The following CMSS1 variants were observed in gnomAD, a reference collection of about 807,000 sequenced individuals.
CMSS1 encodes cms1 ribosomal small subunit homolog, also known as protein CMSS1.
In CMSS1, 33 loss-of-function variants were observed where a neutral mutation model predicts 43.5. The ratio of observed to expected loss-of-function variants is 0.76; its 90% CI spans 0.57 to 1.01. The LOEUF (loss-of-function observed/expected upper bound fraction) is 1.01, where lower values mean the gene tolerates loss of function less well. Ranked by LOEUF, CMSS1 falls within the 50% of genes least tolerant of loss-of-function variation. CMSS1 has a pLI of 0.00. For synonymous variants in CMSS1, 115 were observed against 117.2 expected, an observed-to-expected ratio of 0.98 and a Z score of 0.12; for missense variants, 313 against 326.4, an observed-to-expected ratio of 0.96 and a Z score of 0.32.
intron 1 of CMSS1, among the ~76,000 whole-genome samples, chr3:100,097,582 A>T (rs1243737402): frequency 1.3e-5 from 2 of 152,168 alleles, no homozygotes; most frequent in Non-Finnish European, 1.5e-5. Context: ...GCCTATATAT[A>T]TACATGTTTT....
chr3:100,142,211 T>G (rs1489205890), intron 1 of CMSS1, among the ~76,000 whole-genome samples: 1 of 152,208 alleles, frequency 6.6e-6, no homozygotes, highest in African/African-American at 2.4e-5. Context: ...GTTGCATAAG[T>G]GCCACACATC....
intron 1 of CMSS1, among the ~76,000 whole-genome samples, chr3:99,933,093 T>C (rs1336820770): frequency 6.6e-6 from 1 of 152,192 alleles, no homozygotes; most frequent in African/African-American, 2.4e-5. Context: ...TATTGAAGGT[T>C]GCACAGCTAA....
chr3:100,132,842 A>T (rs1302139924), intron 1 of CMSS1, among the ~76,000 whole-genome samples: 2 of 150,124 alleles, frequency 1.3e-5, no homozygotes, highest in Non-Finnish European at 3.0e-5. Flanking sequence ...AAAAAAAAAG[A>T]AAAAGTAAAA....
At chr3:99,937,958 G>A (rs1473141843) in intron 1 of CMSS1, among the ~76,000 whole-genome samples, 1 of 152,200 alleles carries the variant, frequency 6.6e-6, no homozygotes, top group Non-Finnish European at 1.5e-5. Flanking sequence ...TGGTAAAGGT[G>A]AATTAAGGTG....
At chr3:100,139,338 T>C (rs2066783132) in intron 1 of CMSS1, among the ~76,000 whole-genome samples, 1 of 151,626 alleles carries the variant, frequency 6.6e-6, no homozygotes. Context: ...ATGAAAAGTT[T>C]AAACTCTTTA....
At chr3:99,986,998 G>A (rs1709360555) in intron 1 of CMSS1, among the ~76,000 whole-genome samples, 3 of 151,904 alleles carry the variant, frequency 2.0e-5, no homozygotes, top group African/African-American at 7.3e-5. Flanking sequence ...GGAGGCTGAG[G>A]TAGGAGGACT....
chr3:99,884,674 G>A (rs1188274166), intron 1 of CMSS1, among the ~76,000 whole-genome samples: 2 of 152,198 alleles, frequency 1.3e-5, no homozygotes, highest in Non-Finnish European at 2.9e-5. Context: ...GAAAGGAAGT[G>A]CTTTGAATTC....
chr3:99,984,532 C>G (rs1346009185), intron 1 of CMSS1, among the ~76,000 whole-genome samples: 1 of 152,136 alleles, frequency 6.6e-6, no homozygotes, highest in Non-Finnish European at 1.5e-5. Context: ...GGTCCTCTAG[C>G]CCCTGGTCAC....
intron 1 of CMSS1, among the ~76,000 whole-genome samples, chr3:100,061,225 CA>C (rs2107344759): frequency 6.6e-6 from 1 of 151,756 alleles, no homozygotes; most frequent in South Asian, 2.1e-4. Context: ...CCTAAAATAC[CA>C]AAAACAAGTG....
intron 1 of CMSS1, among the ~76,000 whole-genome samples, chr3:99,843,489 A>C (rs923542657): frequency 3.3e-5 from 5 of 152,216 alleles, no homozygotes; most frequent in Admixed American, 2.0e-4. Flanking sequence ...GAGAGGGACT[A>C]TGGTCAGAAT....
At chr3:99,859,700 T>G (rs777494551) in intron 1 of CMSS1, among the ~76,000 whole-genome samples, 11 of 152,238 alleles carry the variant, frequency 7.2e-5, no homozygotes, top group Non-Finnish European at 1.3e-4. Flanking sequence ...CATGGTTAAA[T>G]AACCATGGAT....
intron 1 of CMSS1, among the ~76,000 whole-genome samples, chr3:99,919,985 T>C (rs1707073700): frequency 6.6e-6 from 1 of 152,214 alleles, no homozygotes; most frequent in Non-Finnish European, 1.5e-5. Context: ...GACTCCTTTC[T>C]TTGTGGTGTT....
intron 1 of CMSS1, among the ~76,000 whole-genome samples, chr3:100,066,499 A>G (rs1229150669): frequency 7.5e-6 from 1 of 133,898 alleles, no homozygotes; most frequent in East Asian, 2.6e-4. Flanking sequence ...AGCAAGGATG[A>G]TGTGGAAGGC....
chr3:99,877,242 TTTAAAATTACA>T (rs1705565765), intron 1 of CMSS1, among the ~76,000 whole-genome samples: 1 of 152,192 alleles, frequency 6.6e-6, no homozygotes, highest in African/African-American at 2.4e-5. Context: ...TAAAACCTCT[TTTAAAATTACA>T]TTAAAATAGG....
chr3:100,139,814 T>G (rs1576098574), intron 1 of CMSS1, among the ~76,000 whole-genome samples: 1 of 141,736 alleles, frequency 7.1e-6, no homozygotes, highest in East Asian at 2.0e-4. Context: ...AAAAAAAAAA[T>G]CCAGCCAGGA....
intron 1 of CMSS1, among the ~76,000 whole-genome samples, chr3:100,082,211 T>C (rs1045739017): frequency 6.6e-6 from 1 of 152,206 alleles, no homozygotes; most frequent in African/African-American, 2.4e-5. Context: ...GAGTCATATA[T>C]CATGAAGTGT....
intron 1 of CMSS1, among the ~76,000 whole-genome samples, chr3:99,935,265 CAAAA>C (rs34961153): frequency 6.9e-6 from 1 of 143,934 alleles, no homozygotes. Flanking sequence ...TTCAGGGTAC[CAAAA>C]AAAAAAAAAG....
intron 1 of CMSS1, among the ~76,000 whole-genome samples, chr3:99,964,896 C>G (rs1297505510): frequency 2.0e-5 from 3 of 152,126 alleles, no homozygotes; most frequent in African/African-American, 7.2e-5. Flanking sequence ...ACATCAGTCC[C>G]ATAGTGCACA....
intron 1 of CMSS1, among the ~76,000 whole-genome samples, chr3:99,975,895 T>C (rs1225127392): frequency 1.3e-5 from 2 of 151,672 alleles, no homozygotes; most frequent in African/African-American, 4.9e-5. Context: ...TGTCTCTTTT[T>C]GTTGTTGTTG....
Sources: allele counts gnomAD v4.1 joint callset (sites outside exome capture counted in the v4.1 genomes callset), GRCh38; gene constraint gnomAD v4.1.1; transcripts MANE v1.5; gene names NCBI Gene and HGNC (gene_info 2026-07-23, HGNC 2026-07-21).